STK32B: variants seen among roughly 807,000 people sequenced by gnomAD.
The protein encoded by STK32B is serine/threonine-protein kinase 32B.
A neutral mutation model predicts 52.6 loss-of-function variants in STK32B; 43 were observed. The ratio of observed to expected loss-of-function variants is 0.82; its 90% CI spans 0.64 to 1.05. The LOEUF is 1.05. Ranked by LOEUF, STK32B falls within the 50% of genes least tolerant of loss-of-function variation. The probability of loss-of-function intolerance (pLI) is 0.00; values close to 1 mark genes in which losing one functional copy is unlikely to be tolerated. For missense variants in STK32B, 621 were observed against 534.6 expected (o/e 1.16, Z -1.59); for synonymous variants, 238 against 204.3 (o/e 1.17, Z -1.41).
At chr4:5,353,962 G>T (rs1734013939) in intron 4 of STK32B, among the ~76,000 whole-genome samples, 1 of 152,204 alleles carries the variant, frequency 6.6e-6, no homozygotes, top group Non-Finnish European at 1.5e-5. Flanking sequence ...ATTCACAATT[G>T]CGAAGATACG....
chr4:5,477,036 T>G (rs1306308079), intron 11 of STK32B, among the ~76,000 whole-genome samples: 2 of 152,102 alleles, frequency 1.3e-5, no homozygotes, highest in African/African-American at 2.4e-5. Flanking sequence ...AAAGCGAGAC[T>G]ATATTTCTGT....
chr4:5,078,151 A>G (rs1712193767), intron 1 of STK32B, among the ~76,000 whole-genome samples: 1 of 151,892 alleles, frequency 6.6e-6, no homozygotes, highest in Admixed American at 6.6e-5. Context: ...CCTCTTTTAT[A>G]AGGGGGCACA....
intron 3 of STK32B, among the ~76,000 whole-genome samples, chr4:5,231,349 A>AC (rs1422230064): frequency 6.6e-6 from 1 of 152,144 alleles, no homozygotes; most frequent in Non-Finnish European, 1.5e-5. Context: ...AGTGGCTCAC[A>AC]CCTATAATCT....
At chr4:5,391,970 C>T (rs1736620026) in intron 4 of STK32B, among the ~76,000 whole-genome samples, 1 of 152,122 alleles carries the variant, frequency 6.6e-6, no homozygotes, top group Non-Finnish European at 1.5e-5. Flanking sequence ...GAGTCTCGCA[C>T]CAGCACCATA....
At chr4:5,142,714 A>C (rs11940976) in intron 2 of STK32B, among the ~76,000 whole-genome samples, 8,155 of 152,244 alleles carry the variant, frequency 0.054, 740 homozygotes, top group African/African-American at 0.18. Context: ...AAATTATGAC[A>C]CAGTATGTGA....
rs750396871 is a variant in STK32B at position 5,416,829 on chromosome 4, G to T, written c.473-16G>T. ...GCAGCCCACGCTAACTGGAGTTTCT[G>T]TTTCTGTATTTGCAGGACATGTTCA... On this transcript the variant is annotated splice_polypyrimidine_tract_variant and intron_variant, in intron 5 of 11. Coordinates refer to ENST00000282908, the MANE Select transcript of STK32B (RefSeq NM_018401.3). The T allele has an allele frequency of 6.2e-7, 1 of 1,611,690 alleles. No individual in the cohort carries two copies. The highest frequency in any genetic ancestry group is 1.3e-5 in the African/African-American group (1 of 74,902).
chr4:5,382,009 C>T (rs891734766), intron 4 of STK32B, among the ~76,000 whole-genome samples: 1 of 152,200 alleles, frequency 6.6e-6, no homozygotes, highest in Non-Finnish European at 1.5e-5. Context: ...TGTTGCAGTT[C>T]AAATCCAAAG....
chr4:5,042,054 G>C, the STK32B span, among the ~76,000 whole-genome samples: 1 of 152,128 alleles, frequency 6.6e-6, no homozygotes, highest in Non-Finnish European at 1.5e-5. Flanking sequence ...TACGGCTTTA[G>C]GGTTTATGGC....
chr4:5,238,483 T>C (rs763311225), intron 3 of STK32B, among the ~76,000 whole-genome samples: 8 of 152,182 alleles, frequency 5.3e-5, no homozygotes, highest in Non-Finnish European at 1.0e-4. Context: ...AAAGACTCTT[T>C]TTACATTTTT....
intron 4 of STK32B, among the ~76,000 whole-genome samples, chr4:5,389,150 A>G (rs1336232523): frequency 6.6e-6 from 1 of 152,216 alleles, no homozygotes; most frequent in African/African-American, 2.4e-5. Flanking sequence ...GTACATTTAA[A>G]AAATTGTTTC....
At chr4:5,120,576 C>T (rs1714973056) in intron 1 of STK32B, among the ~76,000 whole-genome samples, 1 of 152,158 alleles carries the variant, frequency 6.6e-6, no homozygotes, top group Non-Finnish European at 1.5e-5. Context: ...TCCAAAGTTT[C>T]AGGCATCCAG....
At position 5,394,508 on chromosome 4, in the gene STK32B, T is replaced by G. The variant is rs1279631952; in HGVS notation, c.435-3699T>G. Among the ~76,000 whole-genome samples, 1 of 152,226 alleles carries G rather than the reference T, an allele frequency of 6.6e-6. No individual in the cohort carries two copies. Among genetic ancestry groups the G allele is most frequent in the East Asian group, 1.9e-4 (1 of 5,192 alleles). ...CTATTCTTATTAAATCCCAAGTGAT[T>G]CAGATTCTCCATCTCCTCCACGCTG... is the stretch of plus-strand genomic sequence containing the variant. On this transcript the variant is annotated intron_variant, in intron 4 of 11. Transcript: ENST00000282908. This position sits in a 1 kb window ranked among gnomAD's most constrained non-coding sequence, Gnocchi z 4.2.
At chr4:5,092,918 A>G (rs1339973519) in intron 1 of STK32B, among the ~76,000 whole-genome samples, 2 of 152,232 alleles carry the variant, frequency 1.3e-5, no homozygotes, top group African/African-American at 2.4e-5. Flanking sequence ...TATGTGAATT[A>G]TATCTCAATA....
chr4:5,232,518 G>A (rs1421779099), intron 3 of STK32B, among the ~76,000 whole-genome samples: 2 of 152,072 alleles, frequency 1.3e-5, no homozygotes, highest in Non-Finnish European at 2.9e-5. Context: ...CCAAGTTAAG[G>A]GACTCCTTGA....
intron 3 of STK32B, among the ~76,000 whole-genome samples, chr4:5,280,964 T>C (rs1253742323): frequency 6.6e-6 from 1 of 151,954 alleles, no homozygotes; most frequent in East Asian, 1.9e-4. Context: ...GGGTAATTCA[T>C]GGAAAAAAAC....
At chr4:5,385,453 AG>A (rs1257975346) in intron 4 of STK32B, among the ~76,000 whole-genome samples, 4 of 95,038 alleles carry the variant, frequency 4.2e-5, no homozygotes, top group Non-Finnish European at 6.5e-5. Context: ...TGTTGGAGGG[AG>A]GGGGGTTTTG....
At chr4:5,087,059 G>A (rs1427581819) in intron 1 of STK32B, among the ~76,000 whole-genome samples, 7 of 152,032 alleles carry the variant, frequency 4.6e-5, no homozygotes, top group Admixed American at 3.3e-4. Flanking sequence ...ATGTATTTTT[G>A]TTTGCAATTC....
intron 11 of STK32B, among the ~76,000 whole-genome samples, chr4:5,493,913 T>G (rs1441754216): frequency 1.3e-5 from 2 of 152,274 alleles, no homozygotes; most frequent in Non-Finnish European, 2.9e-5. Flanking sequence ...TAATCCTGAG[T>G]TCTAGTTTGA....
the STK32B span, among the ~76,000 whole-genome samples, chr4:5,025,170 C>T: frequency 6.6e-6 from 1 of 152,144 alleles, no homozygotes; most frequent in Non-Finnish European, 1.5e-5. Flanking sequence ...CTTTTCTACT[C>T]GGGGCTGTTT....
Sources: allele counts gnomAD v4.1 joint callset (sites outside exome capture counted in the v4.1 genomes callset), GRCh38; gene constraint gnomAD v4.1.1; non-coding constraint Gnocchi (gnomAD v3.1); transcripts MANE v1.5; gene names NCBI Gene and HGNC (gene_info 2026-07-23, HGNC 2026-07-21).